DYSF: variants seen among roughly 807,000 people sequenced by gnomAD.
DYSF encodes the protein dystrophy-associated fer-1-like 1.
Under a neutral mutation model 274.9 loss-of-function variants are expected in DYSF, and 212 were observed. That is an observed-to-expected ratio of 0.77 (90% CI 0.69 to 0.86). The LOEUF (loss-of-function observed/expected upper bound fraction) is 0.86, where lower values mean the gene tolerates loss of function less well. Ranked by LOEUF, DYSF falls within the 40% of genes least tolerant of loss-of-function variation. DYSF has a pLI of 0.00. For synonymous variants in DYSF, 1,091 were observed against 1,078.7 expected (o/e 1.01, Z -0.22); for missense variants, 2,666 against 2,783.2 (o/e 0.96, Z 0.95).
intron 52 of DYSF, among the ~76,000 whole-genome samples, chr2:71,678,019 A>G (rs955035941): frequency 1.3e-5 from 2 of 152,266 alleles, no homozygotes; most frequent in African/African-American, 4.8e-5. Flanking sequence ...TGCTTGGAAC[A>G]GAAGTGTTTC....
At chr2:71,569,696 C>T in intron 26 of DYSF, 124 bp from the exon 27 acceptor site, 8 of 798,076 alleles carry the variant, frequency 1.0e-5, no homozygotes, top group Non-Finnish European at 1.7e-5. Context: ...CTCCCCACCC[C>T]CCATGTCTCT....
chr2:71,537,504 C>T (rs1174512984), intron 16 of DYSF, among the ~76,000 whole-genome samples: 1 of 152,040 alleles, frequency 6.6e-6, no homozygotes, highest in Non-Finnish European at 1.5e-5. Flanking sequence ...CCTTGGCCTC[C>T]CAAAGTGCTG....
At chr2:71,520,943 C>T (rs753113179) in intron 12 of DYSF, 39 bp downstream of exon 12, 13 of 1,591,842 alleles carry the variant, frequency 8.2e-6, no homozygotes, top group East Asian at 4.5e-5. Context: ...CGGTCCCCCA[C>T]GCGGCACTTG....
At chr2:71,575,331 G>A (rs562800742) in intron 30 of DYSF, among the ~76,000 whole-genome samples, 2 of 152,320 alleles carry the variant, frequency 1.3e-5, no homozygotes, top group East Asian at 1.9e-4. Context: ...AACAGTGGCA[G>A]TATAGGAGAG....
intron 4 of DYSF, among the ~76,000 whole-genome samples, chr2:71,509,443 T>C (rs1229810101): frequency 1.3e-5 from 2 of 152,200 alleles, no homozygotes; most frequent in Non-Finnish European, 2.9e-5. Flanking sequence ...ATTATAGTTG[T>C]GAGCCACTGT....
chr2:71,491,463 T>C (rs1413080375), intron 3 of DYSF, among the ~76,000 whole-genome samples: 4 of 152,246 alleles, frequency 2.6e-5, no homozygotes, highest in Non-Finnish European at 4.4e-5. Flanking sequence ...GTTTCTTACA[T>C]AGGTAAACTT....
chr2:71,520,225 T>G lies in DYSF; in HGVS notation c.1033+17T>G. The G allele has an allele frequency of 1.2e-6, 2 of 1,614,146 alleles. No individual in the cohort carries two copies. The highest frequency in any genetic ancestry group is 1.7e-6 in the Non-Finnish European group (2 of 1,179,994). The stretch of plus-strand genomic sequence containing the variant: ...GAGAGCCCCGTGAGTTCTCACCACT[T>G]TGGCCGTATCCTTGCATTTTGGTTC... On this transcript the variant is annotated intron_variant, in intron 11 of 55. Transcript: ENST00000410020.
At chr2:71,675,365 G>T (rs2095202283) in intron 52 of DYSF, among the ~76,000 whole-genome samples, 1 of 152,220 alleles carries the variant, frequency 6.6e-6, no homozygotes, top group Non-Finnish European at 1.5e-5. Context: ...GGCAACCCAG[G>T]AAGTCAGGAT....
At chr2:71,560,384 T>C (rs2091649040) in intron 22 of DYSF, among the ~76,000 whole-genome samples, 2 of 62,598 alleles carry the variant, frequency 3.2e-5, no homozygotes, top group African/African-American at 7.9e-5. Flanking sequence ...TTGCCCCCGC[T>C]CTCAGGCCCA....
At chr2:71,592,825 C>T (rs535393397) in intron 32 of DYSF, among the ~76,000 whole-genome samples, 2 of 152,292 alleles carry the variant, frequency 1.3e-5, no homozygotes, top group East Asian at 3.9e-4. Context: ...GCTGCCCGGA[C>T]ATTGGGGCCA....
intron 55 of DYSF, among the ~76,000 whole-genome samples, chr2:71,683,679 A>C (rs1434824349): frequency 6.6e-6 from 1 of 152,226 alleles, no homozygotes; most frequent in East Asian, 1.9e-4. Context: ...CTCCCAATCC[A>C]GGGCTCACTG....
chr2:71,543,862 G>A (rs537553014), intron 17 of DYSF, among the ~76,000 whole-genome samples: 2 of 148,334 alleles, frequency 1.3e-5, no homozygotes, highest in African/African-American at 5.2e-5. Flanking sequence ...GAAAGAGAGG[G>A]AGAGGGAGAC....
chr2:71,598,498 T>C, intron 32 of DYSF, 66 bp from the exon 33 acceptor site: 3 of 1,591,228 alleles, frequency 1.9e-6, no homozygotes, highest in Non-Finnish European at 1.7e-6. Flanking sequence ...CACATGGCTC[T>C]GGAGAAGACA....
At chr2:71,580,086 G>A (rs1465766719) in intron 30 of DYSF, among the ~76,000 whole-genome samples, 1 of 152,250 alleles carries the variant, frequency 6.6e-6, no homozygotes, top group Non-Finnish European at 1.5e-5. Context: ...AGGGCATCAT[G>A]TCTCTCCTGC....
rs552677607 is a variant in DYSF at position 71,677,392 on chromosome 2, C to T, written c.5885-1665C>T. Among the ~76,000 whole-genome samples, 836 of 152,262 alleles carry T rather than the reference C, an allele frequency of 5.5e-3. 5 individuals carry two copies. The highest frequency in any genetic ancestry group is 9.5e-3 in the Non-Finnish European group (644 of 68,014). On this transcript the variant is annotated intron_variant, in intron 52 of 55. Coordinates refer to ENST00000410020, the MANE Select transcript of DYSF (RefSeq NM_001130987.2). ...TGATCTCTCTTAATCCCTTTGGCAA[C>T]CTATGCTCCAATCCCATTGACTTTA...
intron 38 of DYSF, 108 bp downstream of exon 38, chr2:71,611,734 T>A: frequency 7.3e-7 from 1 of 1,375,538 alleles, no homozygotes; most frequent in Non-Finnish European, 1.0e-6. Flanking sequence ...GGATCCAGGG[T>A]AGGACCCCTC....
intron 30 of DYSF, among the ~76,000 whole-genome samples, chr2:71,586,460 A>C (rs1418521834): frequency 6.6e-6 from 1 of 151,186 alleles, no homozygotes; most frequent in Non-Finnish European, 1.5e-5. Flanking sequence ...GAGCCAGGTC[A>C]GGTTTTGGAA....
At chr2:71,676,696 C>G (rs1323688600) in intron 52 of DYSF, among the ~76,000 whole-genome samples, 1 of 151,924 alleles carries the variant, frequency 6.6e-6, no homozygotes, top group East Asian at 1.9e-4. Flanking sequence ...GTTAAACAGA[C>G]TCATCCTTTG....
intron 55 of DYSF, among the ~76,000 whole-genome samples, chr2:71,684,741 C>G (rs573051444): frequency 1.3e-5 from 2 of 152,346 alleles, no homozygotes; most frequent in South Asian, 4.1e-4. Flanking sequence ...GGGGAATCTG[C>G]ATGTAGGCAC....
Sources: gnomAD v4.1 joint callset for allele counts (sites outside exome capture counted in the v4.1 genomes callset) on GRCh38, gnomAD v4.1.1 for gene constraint, MANE v1.5 for transcripts, NCBI Gene and HGNC (gene_info 2026-07-23, HGNC 2026-07-21) for gene names.